Variants in TEX9 observed in about 807,000 individuals in gnomAD.
The protein encoded by TEX9 is testis expressed 9.
In TEX9, 74 loss-of-function variants were observed where a neutral mutation model predicts 59.6. The ratio of observed to expected loss-of-function variants is 1.24; its 90% CI spans 1.03 to 1.51. The LOEUF is 1.51. Ranked by LOEUF, TEX9 falls within the 40% of genes most tolerant of loss-of-function variation. The probability of loss-of-function intolerance (pLI) is 0.00; values close to 1 mark genes in which losing one functional copy is unlikely to be tolerated. For synonymous variants in TEX9, 186 were observed against 152.2 expected, an observed-to-expected ratio of 1.22 and a Z score of -1.64; for missense variants, 522 against 447.8, an observed-to-expected ratio of 1.17 and a Z score of -1.49.
At chr15:56,393,987 A>G (rs1407529155) in intron 7 of TEX9, 178 bp from the exon 8 acceptor site, 12 of 454,366 alleles carry the variant, frequency 2.6e-5, no homozygotes, top group Non-Finnish European at 4.7e-5. Flanking sequence ...GAGTGGATTT[A>G]TTCGTCATTG....
upstream of TEX9, chr15:56,365,323 C>G: frequency 7.7e-7 from 1 of 1,295,758 alleles, no homozygotes; most frequent in Non-Finnish European, 1.0e-6. Context: ...GCCAGAGGCT[C>G]GCGCCGCTCG....
At chr15:56,252,578 C>T (rs1163579698) in intron 1 of TEX9, among the ~76,000 whole-genome samples, 2 of 152,132 alleles carry the variant, frequency 1.3e-5, no homozygotes. Flanking sequence ...TTCAGCCTGA[C>T]ATCTGGTGCT....
chr15:56,321,184 G>A (rs2045893573), intron 1 of TEX9, among the ~76,000 whole-genome samples: 1 of 152,132 alleles, frequency 6.6e-6, no homozygotes, highest in Non-Finnish European at 1.5e-5. Context: ...TAATCAAAGA[G>A]GAATACAATA....
chr15:56,431,101 C>T (rs1396833654), intron 12 of TEX9, among the ~76,000 whole-genome samples: 2 of 152,186 alleles, frequency 1.3e-5, no homozygotes, highest in African/African-American at 4.8e-5. Flanking sequence ...TTGCAGTAAG[C>T]TGACATCTTG....
chr15:56,330,678 C>G (rs973534616), intron 1 of TEX9, among the ~76,000 whole-genome samples: 1 of 150,990 alleles, frequency 6.6e-6, no homozygotes, highest in Admixed American at 6.6e-5. Context: ...AACAGATACA[C>G]AGAAAATAAA....
At chr15:56,365,753 C>A in intron 2 of TEX9, 83 bp downstream of exon 2, 1 of 1,567,858 alleles carries the variant, frequency 6.4e-7, no homozygotes, top group Non-Finnish European at 8.6e-7. Flanking sequence ...TGGAGACTGG[C>A]TGGATCTTCG....
chr15:56,382,422 CAGA>C (rs752784944), intron 3 of TEX9, among the ~76,000 whole-genome samples: 8 of 152,128 alleles, frequency 5.3e-5, no homozygotes, highest in Non-Finnish European at 1.2e-4. Context: ...CTTTCACAAG[CAGA>C]AGGAGTCTTT....
At chr15:56,314,553 GA>G (rs1304358585) in intron 1 of TEX9, among the ~76,000 whole-genome samples, 1 of 150,386 alleles carries the variant, frequency 6.6e-6, no homozygotes, top group Non-Finnish European at 1.5e-5. Flanking sequence ...ATTTGCTGAG[GA>G]GAGCTTTACT....
chr15:56,407,047 CTT>C (rs1353938248), intron 9 of TEX9, among the ~76,000 whole-genome samples: 3 of 152,092 alleles, frequency 2.0e-5, no homozygotes, highest in Non-Finnish European at 4.4e-5. Flanking sequence ...AGTCATGAGA[CTT>C]TTCTCCTGAT....
intron 4 of TEX9, among the ~76,000 whole-genome samples, chr15:56,387,573 T>C (rs1434044067): frequency 2.6e-5 from 4 of 151,926 alleles, no homozygotes; most frequent in African/African-American, 4.8e-5. Flanking sequence ...ATAATTTTAG[T>C]TGTATGTCTT....
intron 11 of TEX9, 25 bp from the exon 12 acceptor site, chr15:56,428,342 A>G: frequency 6.4e-7 from 1 of 1,569,930 alleles, no homozygotes; most frequent in Non-Finnish European, 8.8e-7. Context: ...ACTAAATCAG[A>G]CAATATTGAT....
chr15:56,296,847 T>C (rs966948425), intron 1 of TEX9, among the ~76,000 whole-genome samples: 8 of 152,190 alleles, frequency 5.3e-5, no homozygotes, highest in Non-Finnish European at 1.5e-5. Flanking sequence ...TGTTTTTTGT[T>C]TTGAGTTGCT....
chr15:56,392,469 A>C (rs2048262204), intron 7 of TEX9, among the ~76,000 whole-genome samples: 1 of 151,980 alleles, frequency 6.6e-6, no homozygotes, highest in Admixed American at 6.6e-5. Context: ...GATGATACTA[A>C]ACCATTCATG....
At chr15:56,393,819 G>A (rs2142318256) in intron 7 of TEX9, 1 of 176,350 alleles carries the variant, frequency 5.7e-6, no homozygotes, top group African/African-American at 2.4e-5. Flanking sequence ...CTGAAGCTGA[G>A]TTTTGCTAGA....
chr15:56,443,114 C>T (rs928901376), intron 12 of TEX9, among the ~76,000 whole-genome samples: 1 of 152,112 alleles, frequency 6.6e-6, no homozygotes, highest in African/African-American at 2.4e-5. Flanking sequence ...GTAGCAACTC[C>T]AACCTACTTT....
chr15:56,449,767 GTGC>G (rs1365710720), downstream of TEX9, among the ~76,000 whole-genome samples: 4 of 152,074 alleles, frequency 2.6e-5, no homozygotes, highest in African/African-American at 9.7e-5. Context: ...ATTTCTTCTT[GTGC>G]CAATCAGTTT....
intron 1 of TEX9, among the ~76,000 whole-genome samples, chr15:56,308,070 T>C (rs1339155834): frequency 2.0e-5 from 3 of 152,212 alleles, no homozygotes; most frequent in African/African-American, 7.2e-5. Context: ...GGACATATTT[T>C]CAGTTTTCAT....
chr15:56,304,683 C>T (rs1356201218), intron 1 of TEX9, among the ~76,000 whole-genome samples: 1 of 152,008 alleles, frequency 6.6e-6, no homozygotes, highest in Non-Finnish European at 1.5e-5. Context: ...ACAATTTTCC[C>T]ATCAATTTTC....
At chr15:56,244,868 C>G (rs1344508102) in intron 1 of TEX9, among the ~76,000 whole-genome samples, 4 of 149,750 alleles carry the variant, frequency 2.7e-5, no homozygotes, top group Non-Finnish European at 3.0e-5. Flanking sequence ...ACAAATAAGT[C>G]AGTCTCCTTT....
Sources: allele counts gnomAD v4.1 joint callset (sites outside exome capture counted in the v4.1 genomes callset), GRCh38; gene constraint gnomAD v4.1.1; transcripts MANE v1.5; gene names NCBI Gene and HGNC (gene_info 2026-07-23, HGNC 2026-07-21).